The following NUCKS1 variants were observed in gnomAD, a reference collection of about 807,000 sequenced individuals.
NUCKS1 encodes nuclear casein kinase and cyclin dependent kinase substrate 1, also known as nuclear ubiquitous casein and cyclin-dependent kinase substrate 1.
A neutral mutation model predicts 33.0 loss-of-function variants in NUCKS1; 2 were observed. The ratio of observed to expected loss-of-function variants is 0.06; its 90% CI spans 0.02 to 0.19. NUCKS1 has a LOEUF of 0.19. NUCKS1 is among the 10% of genes least tolerant of loss of function. The pLI, the probability that NUCKS1 is intolerant of heterozygous loss-of-function variation, is 1.00. For missense variants in NUCKS1, 201 were observed against 293.6 expected (o/e 0.68, Z 2.31); for synonymous variants, 106 against 102.8 (o/e 1.03, Z -0.19).
chr1:205,727,704 C>T lies in NUCKS1; in HGVS notation c.169G>A (p.Asp57Asn), dbSNP rs1231801995. Residue 57 changes from aspartate to asparagine, a missense_variant, in exon 3 of 7, where the codon GAT becomes AAT. Physicochemically the swap from Asp to Asn is conservative, Grantham distance 23. Transcript: ENST00000367142. ...CAGAAAAACAATGCCTCTTACCTAT[C>T]TTCCTGTGAATTCTTTCCAGATCGC... ...KRRSGKNSQE[D>N]SEDSEDKDVK... The T allele has an allele frequency of 4.4e-6, 7 of 1,607,844 alleles. No individual in the cohort carries two copies. Among genetic ancestry groups the T allele is most frequent in the East Asian group, 2.2e-5 (1 of 44,782 alleles).
At chr1:205,747,609 G>C (rs1276253957) in intron 1 of NUCKS1, among the ~76,000 whole-genome samples, 3 of 152,138 alleles carry the variant, frequency 2.0e-5, no homozygotes, top group Non-Finnish European at 2.9e-5. Context: ...ATGAGAACCA[G>C]AAAAACTGCA....
At chr1:205,724,717 G>A (rs190532944) in intron 3 of NUCKS1, among the ~76,000 whole-genome samples, 70 of 151,888 alleles carry the variant, frequency 4.6e-4, no homozygotes, top group African/African-American at 1.6e-3. Context: ...AAAAGGAATT[G>A]TAGTTCAGTT....
At position 205,719,581 on chromosome 1, in the gene NUCKS1, A is replaced by G. The variant is rs527698728; in HGVS notation, c.478T>C (p.Ser160Pro). ...KKKNKKMVKK[S>P]KPERKEKKMP... is the part of the protein sequence containing the mutation. ...TTCTTTTCTTTTCTTTCAGGTTTGG[A>G]CTTCTTAACCATCTTTTTGTTTTTC... The change falls in exon 6 of 7, where the codon TCC (serine) becomes CCC (proline). Residue 160 changes from serine to proline, a missense_variant. Physicochemically the swap from Ser to Pro is moderately conservative, Grantham distance 74. Transcript: ENST00000367142. The G allele has an allele frequency of 6.2e-7, 1 of 1,613,232 alleles. No individual in the cohort carries two copies. The highest frequency in any genetic ancestry group is 1.1e-5 in the South Asian group (1 of 90,930).
intron 1 of NUCKS1, among the ~76,000 whole-genome samples, chr1:205,744,543 T>C (rs943510824): frequency 1.3e-5 from 2 of 151,834 alleles, no homozygotes; most frequent in African/African-American, 4.8e-5. Flanking sequence ...AAATTAAGTA[T>C]TTTCATAACT....
intron 5 of NUCKS1, 147 bp downstream of exon 5, chr1:205,720,354 A>C (rs1261947226): frequency 1.4e-6 from 1 of 711,462 alleles, no homozygotes; most frequent in Non-Finnish European, 2.3e-6. Context: ...ACAGGAACCA[A>C]TACAGTCATC....
Position 205,717,234 on chromosome 1 carries a change from C to T in NUCKS1, c.*1046G>A. ...ATGGGACCTGAATGCACATTTATAG[C>T]ATAAAAGAATGTCAATTCTATTTCA... On this transcript the variant is annotated 3_prime_UTR_variant, in exon 7 of 7. Coordinates refer to ENST00000367142, the MANE Select transcript of NUCKS1 (RefSeq NM_022731.5). 1 of 822,258 alleles carries T rather than the reference C, an allele frequency of 1.2e-6. No individual in the cohort carries two copies. Among genetic ancestry groups the T allele is most frequent in the Non-Finnish European group, 1.5e-6 (1 of 679,298 alleles). 50.9% of individuals were successfully genotyped at this position (822,258 alleles called of 1,614,324 possible).
intron 1 of NUCKS1, among the ~76,000 whole-genome samples, chr1:205,737,378 T>C (rs1654057703): frequency 6.6e-6 from 1 of 152,202 alleles, no homozygotes; most frequent in African/African-American, 2.4e-5. Flanking sequence ...CTTCTTAACA[T>C]CTGCAAATTT....
intron 1 of NUCKS1, among the ~76,000 whole-genome samples, chr1:205,747,162 G>A (rs908713703): frequency 6.6e-6 from 1 of 152,226 alleles, no homozygotes; most frequent in South Asian, 2.1e-4. Flanking sequence ...CAGCGATCAT[G>A]CGGGTGGGGA....
chr1:205,745,037 A>G (rs1654282669), intron 1 of NUCKS1, among the ~76,000 whole-genome samples: 1 of 152,110 alleles, frequency 6.6e-6, no homozygotes, highest in Non-Finnish European at 1.5e-5. Flanking sequence ...GGAATTCCAC[A>G]TTTTTCAAAA....
intron 1 of NUCKS1, among the ~76,000 whole-genome samples, chr1:205,749,119 G>A (rs146224721): frequency 2.6e-3 from 399 of 152,330 alleles, no homozygotes; most frequent in African/African-American, 7.4e-3. Flanking sequence ...CCCGAGACGC[G>A]TACGCGGGTG....
intron 4 of NUCKS1, among the ~76,000 whole-genome samples, chr1:205,723,652 A>C (rs1671958173): frequency 1.3e-5 from 2 of 152,194 alleles, no homozygotes; most frequent in Admixed American, 6.5e-5. Flanking sequence ...AATAATGTAT[A>C]GATACTTAAA....
chr1:205,742,415 T>A (rs114805170), intron 1 of NUCKS1, among the ~76,000 whole-genome samples: 211 of 152,322 alleles, frequency 1.4e-3, no homozygotes, highest in African/African-American at 4.9e-3. Flanking sequence ...AACATGGCAA[T>A]ATAACTGTAT....
chr1:205,730,894 A>C (rs1006747806), intron 1 of NUCKS1, among the ~76,000 whole-genome samples: 44 of 152,238 alleles, frequency 2.9e-4, no homozygotes, highest in African/African-American at 1.1e-3. Context: ...ATATACAAAG[A>C]TGCCCTATTT....
chr1:205,718,101 AAAAG>A lies in NUCKS1; in HGVS notation c.*175_*178del, dbSNP rs1311842540. On this transcript the variant is annotated 3_prime_UTR_variant, in exon 7 of 7. Transcript: ENST00000367142. ...GGTTTGCTTTAAAAAAAAAAAAAAA[AAAAG>A]AGAGAGAGAGAGAAATGTTACTTTC... 2.5e-5 allele frequency: 31 copies of A among 1,248,630 alleles called. No individual in the cohort carries two copies. In the African/African-American group the frequency reaches 3.6e-4, roughly 14 times the overall value. The allele number at this position is 1,248,630 out of a possible 1,614,324, so 77.3% of individuals were successfully genotyped here.
intron 1 of NUCKS1, among the ~76,000 whole-genome samples, chr1:205,749,743 C>A (rs1654437642): frequency 6.6e-6 from 1 of 150,802 alleles, no homozygotes; most frequent in Admixed American, 6.6e-5. Flanking sequence ...CCTGCAGCGG[C>A]GCGGGGCGGG....
chr1:205,736,249 GCCCT>G (rs1654032330), intron 1 of NUCKS1, among the ~76,000 whole-genome samples: 1 of 152,044 alleles, frequency 6.6e-6, no homozygotes, highest in Non-Finnish European at 1.5e-5. Flanking sequence ...ACCACATCCA[GCCCT>G]CCCTATTTTT....
chr1:205,749,100 C>T (rs1209051284), intron 1 of NUCKS1, among the ~76,000 whole-genome samples: 1 of 152,166 alleles, frequency 6.6e-6, no homozygotes, highest in Non-Finnish European at 1.5e-5. Context: ...AAGAGGGTTA[C>T]AAAAATATCC....
At chr1:205,741,418 A>C (rs1049510724) in intron 1 of NUCKS1, among the ~76,000 whole-genome samples, 1 of 152,190 alleles carries the variant, frequency 6.6e-6, no homozygotes, top group African/African-American at 2.4e-5. Flanking sequence ...TCCCAGTGGA[A>C]GTTTAGTGTA....
Position 205,729,631 on chromosome 1 carries a change from G to T in NUCKS1, c.18-10C>A, listed in dbSNP as rs369521875. On this transcript the variant is annotated splice_polypyrimidine_tract_variant and intron_variant, in intron 1 of 6. Transcript: ENST00000367142. ...AACAACCTTCCTATTTCTGTAGAAA[G>T]AAGAGACTCTAATTAAAATCATAAA... 29 of 1,585,444 alleles carry T rather than the reference G, an allele frequency of 1.8e-5. No homozygotes were observed. Among genetic ancestry groups the T allele is most frequent in the Non-Finnish European group, 2.5e-5 (29 of 1,154,774 alleles).
Sources: allele counts gnomAD v4.1 joint callset (sites outside exome capture counted in the v4.1 genomes callset), GRCh38; gene constraint gnomAD v4.1.1; transcripts MANE v1.5; gene names NCBI Gene and HGNC (gene_info 2026-07-23, HGNC 2026-07-21).